Variants in PTPRG observed in about 807,000 individuals in gnomAD.
The protein encoded by PTPRG is protein tyrosine phosphatase receptor type G.
In PTPRG, 102 loss-of-function variants were observed where a neutral mutation model predicts 165.3. The observed-to-expected ratio is 0.62, with a 90% confidence interval of 0.53 to 0.73. The LOEUF is 0.73. Ranked by LOEUF, PTPRG falls within the 30% of genes least tolerant of loss-of-function variation. The probability of loss-of-function intolerance (pLI) is 0.00; values close to 1 mark genes in which losing one functional copy is unlikely to be tolerated. For synonymous variants in PTPRG, 675 were observed against 669.5 expected (o/e 1.01, Z -0.13); for missense variants, 1,866 against 1,861.4 (o/e 1.00, Z -0.05).
At position 62,290,497 on chromosome 3, in the gene PTPRG, A is replaced by C. The variant is rs1006644281; in HGVS notation, c.4056-1924A>C. Among the ~76,000 whole-genome samples the C allele has an allele frequency of 2.6e-5, 4 of 152,328 alleles. No individual in the cohort carries two copies. In the East Asian group the frequency reaches 7.7e-4, roughly 29 times the overall value. ...ATACGAAGTAAATGTAGAGACAGCCAAGACTATTACAGAAACTTGCTTTAT... is the reference window on the plus strand; with the variant it reads ...ATACGAAGTAAATGTAGAGACAGCCCAGACTATTACAGAAACTTGCTTTAT... On this transcript the variant is annotated intron_variant, in intron 28 of 29. Coordinates refer to ENST00000474889, the MANE Select transcript of PTPRG (RefSeq NM_002841.4).
chr3:61,935,264 T>G (rs145144158), intron 2 of PTPRG, among the ~76,000 whole-genome samples: 2 of 152,220 alleles, frequency 1.3e-5, no homozygotes, highest in Admixed American at 6.5e-5. Context: ...AAGTGTGATC[T>G]ACATAATGGA....
rs543414979 is a variant in PTPRG, at chr3:61,675,369, G to T, written c.86-73509G>T. On this transcript the variant is annotated intron_variant, in intron 1 of 29. Coordinates refer to ENST00000474889, the MANE Select transcript of PTPRG (RefSeq NM_002841.4). ...ATTAGTGGAAGTCATGGTTGAGGTT[G>T]TTTCATTTATGATACTAAATTATTT... Among the ~76,000 whole-genome samples the T allele has an allele frequency of 3.3e-5, 5 of 152,188 alleles. No individual in the cohort carries two copies. In the South Asian group the frequency reaches 8.3e-4, roughly 25 times the overall value.
At chr3:62,274,047 G>A (rs1371749801) in intron 23 of PTPRG, among the ~76,000 whole-genome samples, 1 of 152,146 alleles carries the variant, frequency 6.6e-6, no homozygotes, top group South Asian at 2.1e-4. Flanking sequence ...GATATACAGT[G>A]TTGTATTTTC....
chr3:62,116,075 G>C (rs893858238), intron 5 of PTPRG, among the ~76,000 whole-genome samples: 3 of 152,124 alleles, frequency 2.0e-5, no homozygotes, highest in South Asian at 2.1e-4. Context: ...GTTGTTGTCA[G>C]AGTTTGGGGA....
intron 4 of PTPRG, among the ~76,000 whole-genome samples, chr3:62,023,866 T>C (rs1159407380): frequency 1.3e-5 from 2 of 152,130 alleles, no homozygotes; most frequent in African/African-American, 2.4e-5. Context: ...CATGAGAACA[T>C]GAGATGTTGT....
At chr3:61,674,274 C>G (rs1703141012) in intron 1 of PTPRG, among the ~76,000 whole-genome samples, 1 of 151,772 alleles carries the variant, frequency 6.6e-6, no homozygotes, top group Non-Finnish European at 1.5e-5. Flanking sequence ...GTAGAAAGAT[C>G]TGGATACTGA....
At chr3:61,580,206 C>A (rs552293387) in intron 1 of PTPRG, among the ~76,000 whole-genome samples, 4 of 152,148 alleles carry the variant, frequency 2.6e-5, no homozygotes, top group African/African-American at 9.6e-5. Flanking sequence ...ACTCTGGAGG[C>A]TGAGGCAGGA....
At chr3:61,663,573 T>C (rs968374927) in intron 1 of PTPRG, among the ~76,000 whole-genome samples, 3 of 152,114 alleles carry the variant, frequency 2.0e-5, no homozygotes, top group African/African-American at 7.2e-5. Flanking sequence ...GGGATGGTTT[T>C]GGGATGAGTC....
chr3:61,567,803 G>A (rs1699953753), intron 1 of PTPRG, among the ~76,000 whole-genome samples: 1 of 151,952 alleles, frequency 6.6e-6, no homozygotes, highest in African/African-American at 2.4e-5. Context: ...GTGCAACATG[G>A]TGAGACCTCA....
Position 61,600,188 on chromosome 3 carries a change from A to ATGTGTGTGTGTGTG in PTPRG, c.85+37817_85+37818insGTGTGTGTGTGTGT, listed in dbSNP as rs1372886923. 4.7e-3 allele frequency among the ~76,000 whole-genome samples: 621 copies of ATGTGTGTGTGTGTG among 133,182 alleles called. 5 individuals carry two copies. Among genetic ancestry groups the ATGTGTGTGTGTGTG allele is most frequent in the African/African-American group, 9.3e-3 (332 of 35,738 alleles). The allele number at this position is 133,182 out of a possible 152,430, so 87.4% of individuals were successfully genotyped here. On this transcript the variant is annotated intron_variant, in intron 1 of 29. Transcript: ENST00000474889. ...AAAAAAAAAAAATATATATATATATATATATGTGTGTGTGTGTGTGTGTGT... is the reference window on the plus strand; with the variant it reads ...AAAAAAAAAAAATATATATATATATATGTGTGTGTGTGTGTATATGTGTGTGTGTGTGTGTGTGT...
At chr3:61,844,448 A>T (rs911762764) in intron 2 of PTPRG, among the ~76,000 whole-genome samples, 5 of 152,182 alleles carry the variant, frequency 3.3e-5, no homozygotes, top group African/African-American at 1.2e-4. Flanking sequence ...TACTTATCCT[A>T]AAAGTTATTT....
chr3:61,715,557 G>C (rs978155281), intron 1 of PTPRG, among the ~76,000 whole-genome samples: 2 of 152,108 alleles, frequency 1.3e-5, no homozygotes, highest in Non-Finnish European at 1.5e-5. Flanking sequence ...GGCCCAGATC[G>C]TATGTCTTGC....
intron 2 of PTPRG, among the ~76,000 whole-genome samples, chr3:61,841,798 C>G (rs533476945): frequency 6.6e-6 from 1 of 151,958 alleles, no homozygotes; most frequent in South Asian, 2.1e-4. Context: ...GGCGACAGAG[C>G]GAGACTCCAT....
At chr3:61,914,011 C>G (rs1057088018) in intron 2 of PTPRG, among the ~76,000 whole-genome samples, 3 of 152,184 alleles carry the variant, frequency 2.0e-5, no homozygotes, top group Non-Finnish European at 4.4e-5. Flanking sequence ...AAACCTCCCC[C>G]CTTTTCCAGC....
At position 62,255,253 on chromosome 3, in the gene PTPRG, A is replaced by C. The variant is rs1181326118; in HGVS notation, c.2559+38A>C. On this transcript the variant is annotated intron_variant, in intron 16 of 29. Coordinates refer to ENST00000474889, the MANE Select transcript of PTPRG (RefSeq NM_002841.4). This position sits in a 1 kb window ranked among gnomAD's most constrained non-coding sequence, Gnocchi z 4.0. ...GCTGGAAGTTAACTTCCAGAAACCT[A>C]AGTCTTACTTTATGCAGATTTTTGT... 3.9e-6 allele frequency: 6 copies of C among 1,521,592 alleles called. No individual in the cohort carries two copies. The highest frequency in any genetic ancestry group is 5.4e-6 in the Non-Finnish European group (6 of 1,104,176). 94.3% of individuals were successfully genotyped at this position (1,521,592 alleles called of 1,614,324 possible). A position where few individuals can be genotyped will look rare whatever the true frequency, so the allele number is the denominator to read the frequency against.
rs906834004 is a variant in PTPRG at position 62,217,987 on chromosome 3, C to T, written c.2156-864C>T. ...GCTCTGGGAATAGGGTGTGGTATGG[C>T]TTCCTGTCTTGGGAAAGAAAATAGG... On this transcript the variant is annotated intron_variant, in intron 12 of 29. Coordinates refer to ENST00000474889, the MANE Select transcript of PTPRG (RefSeq NM_002841.4). The surrounding 1 kb of genome is among the most constrained non-coding windows in gnomAD (Gnocchi z 4.3). 6.6e-6 allele frequency: 1 copy of T among 152,070 alleles called. No individual in the cohort carries two copies. The highest frequency in any genetic ancestry group is 2.1e-4 in the South Asian group (1 of 4,822). The allele number at this position is 152,070 out of a possible 1,614,324, so 9.4% of individuals were successfully genotyped here.
intron 2 of PTPRG, among the ~76,000 whole-genome samples, chr3:61,840,490 TG>T (rs2107326349): frequency 6.6e-6 from 1 of 152,268 alleles, no homozygotes; most frequent in South Asian, 2.1e-4. Context: ...ATAAGCACTT[TG>T]TAAGTGTGTA....
chr3:62,167,647 G>A (rs1705045827), intron 7 of PTPRG, among the ~76,000 whole-genome samples: 2 of 152,182 alleles, frequency 1.3e-5, no homozygotes, highest in Admixed American at 1.3e-4. Context: ...TGCTAGAATG[G>A]TAAAGGCTTT....
At chr3:62,008,717 C>T (rs2041351978) in intron 4 of PTPRG, among the ~76,000 whole-genome samples, 1 of 152,178 alleles carries the variant, frequency 6.6e-6, no homozygotes. Flanking sequence ...GAAACTGTTC[C>T]ACCTCAGATC....
Sources: allele counts gnomAD v4.1 joint callset (sites outside exome capture counted in the v4.1 genomes callset), GRCh38; gene constraint gnomAD v4.1.1; non-coding constraint Gnocchi (gnomAD v3.1); transcripts MANE v1.5; gene names NCBI Gene and HGNC (gene_info 2026-07-23, HGNC 2026-07-21).